NOTCH1: variants seen among roughly 807,000 people sequenced by gnomAD.
The protein encoded by NOTCH1 is neurogenic locus notch homolog protein 1.
In NOTCH1, 37 loss-of-function variants were observed where a neutral mutation model predicts 254.8. The ratio of observed to expected loss-of-function variants is 0.15; its 90% CI spans 0.11 to 0.19. The LOEUF is 0.19. Ranked by LOEUF, NOTCH1 falls within the 10% of genes least tolerant of loss-of-function variation. The pLI is 1.00. For missense variants in NOTCH1, 2,972 were observed against 3,708.6 expected (o/e 0.80, Z 5.16); for synonymous variants, 1,731 against 1,618.1 (o/e 1.07, Z -1.68).
rs774256366 is a variant in NOTCH1, at chr9:136,497,145, C to T, written c.6594G>A (p.Ser2198=). The T allele has an allele frequency of 7.4e-6, 12 of 1,612,584 alleles. No homozygotes were observed. Among genetic ancestry groups the T allele is most frequent in the South Asian group, 1.1e-5 (1 of 91,090 alleles). ...GCLLDSSGML[S]PVDSLESPHG... ...GGGGTGACTCCAGGGAGTCCACGGGCGAGAGCATGCCGGAGCTGTCCAGCA... is the reference window on the plus strand; with the variant it reads ...GGGGTGACTCCAGGGAGTCCACGGGTGAGAGCATGCCGGAGCTGTCCAGCA... Residue 2198 remains serine, a synonymous_variant, in exon 34 of 34, where the codon TCG becomes TCA. Transcript: ENST00000651671.
chr9:136,537,565 G>A (rs1843674290), intron 2 of NOTCH1, among the ~76,000 whole-genome samples: 1 of 152,202 alleles, frequency 6.6e-6, no homozygotes. Context: ...TAGATGTCAA[G>A]CAACAGCATG....
At chr9:136,533,467 T>C (rs1271770840) in intron 2 of NOTCH1, among the ~76,000 whole-genome samples, 1 of 152,264 alleles carries the variant, frequency 6.6e-6, no homozygotes, top group Admixed American at 6.5e-5. Context: ...GCGGCCCTGC[T>C]GTGCGGCACG....
chr9:136,542,669 C>T (rs928051542), intron 2 of NOTCH1, among the ~76,000 whole-genome samples: 1 of 25,366 alleles, frequency 3.9e-5, no homozygotes, highest in Non-Finnish European at 7.9e-5. Context: ...GGGTGGGGGC[C>T]GGGGAGGGAG....
rs2133353689 is a variant in NOTCH1, at chr9:136,510,815, A to G, written c.2588-10T>C. ...ACCTCACAGGTCTGCCCTGCGGGGC[A>G]GGAGGAGGCCGGTTGGTCACCAGCG... is the stretch of plus-strand genomic sequence containing the variant. On this transcript the variant is annotated splice_polypyrimidine_tract_variant and intron_variant, in intron 16 of 33. Transcript: ENST00000651671. 1 of 1,607,418 alleles carries G rather than the reference A, an allele frequency of 6.2e-7. No homozygotes were observed. Among genetic ancestry groups the G allele is most frequent in the Non-Finnish European group, 8.5e-7 (1 of 1,179,786 alleles).
intron 2 of NOTCH1, among the ~76,000 whole-genome samples, chr9:136,524,242 G>A (rs1157805597): frequency 6.6e-6 from 1 of 152,324 alleles, no homozygotes; most frequent in South Asian, 2.1e-4. Context: ...GGAGGCAGAG[G>A]TTGCAGTGAG....
In NOTCH1 at chr9:136,497,505, C is replaced by T. The variant is rs1485488069; in HGVS notation, c.6234G>A (p.Lys2078=). The change falls in exon 34 of 34, where the codon AAG becomes AAA. Residue 2078 remains lysine (K), a synonymous_variant. Transcript: ENST00000651671. ...AAREGSYETA[K]VLLDHFANRD... is the part of the protein sequence containing the mutation. ...GGTTGGCAAAGTGGTCCAGCAGCAC[C>T]TTGGCGGTCTCGTAGCTGCCCTCCC... 3.7e-6 allele frequency: 6 copies of T among 1,611,438 alleles called. No individual in the cohort carries two copies. The Admixed American group carries it at 6.7e-5, about 18-fold the overall frequency.
Position 136,540,001 on chromosome 9 carries a change from G to C in NOTCH1, c.140+4023C>G, listed in dbSNP as rs75934319. Among the ~76,000 whole-genome samples, 4 of 152,226 alleles carry C rather than the reference G, an allele frequency of 2.6e-5. No individual in the cohort carries two copies. Among genetic ancestry groups the C allele is most frequent in the Non-Finnish European group, 4.4e-5 (3 of 68,036 alleles). On this transcript the variant is annotated intron_variant, in intron 2 of 33. Coordinates refer to ENST00000651671, the MANE Select transcript of NOTCH1 (RefSeq NM_017617.5). The surrounding 1 kb of genome is among the most constrained non-coding windows in gnomAD (Gnocchi z 4.4). ...GCTGGGGCTGTGTTTAGGGACATTCGCTTGGGAGAAGGAGAGGGGCAGGGC... is the reference window on the plus strand; with the variant it reads ...GCTGGGGCTGTGTTTAGGGACATTCCCTTGGGAGAAGGAGAGGGGCAGGGC...
At chr9:136,544,817 G>A (rs1843788429) in intron 1 of NOTCH1, among the ~76,000 whole-genome samples, 2 of 151,940 alleles carry the variant, frequency 1.3e-5, no homozygotes, top group South Asian at 4.1e-4. Context: ...GGGGATGAAG[G>A]TCCCCCATTC....
rs3124602 is a variant in NOTCH1 at position 136,512,039 on chromosome 9, G to A, written c.2468-768C>T. Among the ~76,000 whole-genome samples the A allele has an allele frequency of 0.053, 8,022 of 152,280 alleles. 1,120 individuals carry two copies. In the East Asian group the frequency reaches 0.59, roughly 11 times the overall value. On this transcript the variant is annotated intron_variant, in intron 15 of 33. Transcript: ENST00000651671. ...GGCCTCTCTTCCTATTGGTTTCCAC[G>A]GTGACCCGGGCAGGCAGGAACTGCG...
chr9:136,521,270 C>T (rs957123951), intron 4 of NOTCH1, among the ~76,000 whole-genome samples: 7 of 152,208 alleles, frequency 4.6e-5, no homozygotes, highest in Admixed American at 6.5e-5. Flanking sequence ...CCTCACCGGA[C>T]GGGTGACCCA....
At chr9:136,503,516 G>A (rs1326866938) in intron 26 of NOTCH1, among the ~76,000 whole-genome samples, 186 bp from the exon 27 acceptor site, 3 of 152,186 alleles carry the variant, frequency 2.0e-5, no homozygotes, top group South Asian at 2.1e-4. Flanking sequence ...CCAGCCCCCC[G>A]ACTCCGGCCA....
intron 10 of NOTCH1, 74 bp from the exon 11 acceptor site, chr9:136,515,790 G>T: frequency 7.1e-7 from 1 of 1,401,164 alleles, no homozygotes; most frequent in African/African-American, 1.4e-5. Context: ...CCAGACCTGG[G>T]GTCACCTGTG....
chr9:136,504,837 G>T lies in NOTCH1; in HGVS notation c.4854C>A (p.Pro1618=), dbSNP rs2133336406. 1 of 1,578,894 alleles carries T rather than the reference G, an allele frequency of 6.3e-7. No individual in the cohort carries two copies. Among genetic ancestry groups the T allele is most frequent in the East Asian group, 2.3e-5 (1 of 43,376 alleles). ...GCAGCTCCTCCTCGCGGCCGTAGTA[G>T]GGGAAGATCATCTGCTGGCCGTGTG... is the stretch of plus-strand genomic sequence containing the variant. The part of the protein sequence containing the change: ...RDAHGQQMIF[P]YYGREEELRK... The change falls in exon 26 of 34, where the codon CCC becomes CCA. Residue 1618 remains proline, a synonymous_variant. Transcript: ENST00000651671.
chr9:136,521,006 A>C (rs1234191171), intron 4 of NOTCH1, among the ~76,000 whole-genome samples: 1 of 152,106 alleles, frequency 6.6e-6, no homozygotes, highest in Non-Finnish European at 1.5e-5. Context: ...GTGCGACCCC[A>C]AATCCCAGCC....
At position 136,516,523 on chromosome 9, in the gene NOTCH1, C is replaced by T. The variant is rs535748073; in HGVS notation, c.1556-429G>A. The stretch of plus-strand genomic sequence containing the variant: ...AGGCCCCTGAGAGTTCCTCCAAGTC[C>T]GCCCCGGGCAGCCATCATCTCCATT... On this transcript the variant is annotated intron_variant, in intron 9 of 33. Coordinates refer to ENST00000651671, the MANE Select transcript of NOTCH1 (RefSeq NM_017617.5). Among the ~76,000 whole-genome samples the T allele has an allele frequency of 2.4e-4, 37 of 152,326 alleles. No individual in the cohort carries two copies. The South Asian group carries it at 5.6e-3, about 23-fold the overall frequency.
At chr9:136,525,363 C>A (rs954871753) in intron 2 of NOTCH1, among the ~76,000 whole-genome samples, 1 of 152,128 alleles carries the variant, frequency 6.6e-6, no homozygotes, top group Non-Finnish European at 1.5e-5. Flanking sequence ...CATAAATCTC[C>A]GGCCCCAGTC....
chr9:136,496,065 C>T lies in NOTCH1; in HGVS notation c.*6G>A, dbSNP rs73668310. 3.1e-3 allele frequency: 4,895 copies of T among 1,596,314 alleles called. 83 individuals are homozygous for T. In the African/African-American group the frequency reaches 0.045, roughly 15 times the overall value. ...AAGGAAGCCGGGGTCTCGTGGGGCGCGCCGTTTACTTGAAGGCCTCCGGAA... is the reference window on the plus strand; with the variant it reads ...AAGGAAGCCGGGGTCTCGTGGGGCGTGCCGTTTACTTGAAGGCCTCCGGAA... On this transcript the variant is annotated 3_prime_UTR_variant, in exon 34 of 34. Coordinates refer to ENST00000651671, the MANE Select transcript of NOTCH1 (RefSeq NM_017617.5).
chr9:136,502,534 G>C, intron 27 of NOTCH1, 46 bp from the exon 28 acceptor site: 1 of 1,335,140 alleles, frequency 7.5e-7, no homozygotes, highest in South Asian at 1.5e-5. Context: ...ATCAGGCAGC[G>C]GCTACGCAGC....
intron 2 of NOTCH1, among the ~76,000 whole-genome samples, chr9:136,539,742 T>G (rs1843704855): frequency 6.6e-6 from 1 of 152,108 alleles, no homozygotes; most frequent in Non-Finnish European, 1.5e-5. Flanking sequence ...TCCGCTCAGC[T>G]CAGCATGAGG....
Sources: gnomAD v4.1 joint callset for allele counts (sites outside exome capture counted in the v4.1 genomes callset) on GRCh38, gnomAD v4.1.1 for gene constraint, Gnocchi (gnomAD v3.1) non-coding constraint, MANE v1.5 for transcripts, NCBI Gene and HGNC (gene_info 2026-07-23, HGNC 2026-07-21) for gene names.